Variants in TTN observed in about 807,000 individuals in gnomAD.
TTN encodes the protein connectin.
A neutral mutation model predicts 3,223.0 loss-of-function variants in TTN; 1,525 were observed. The ratio of observed to expected loss-of-function variants is 0.47; its 90% CI spans 0.45 to 0.49. TTN has a LOEUF of 0.49. Ranked by LOEUF, TTN falls within the 20% of genes least tolerant of loss-of-function variation. The probability of loss-of-function intolerance (pLI) is 0.00; values close to 1 mark genes in which losing one functional copy is unlikely to be tolerated. For missense variants in TTN, 40,786 were observed against 43,424.0 expected (o/e 0.94, Z 5.40); for synonymous variants, 14,094 against 15,161.0 (o/e 0.93, Z 5.17).
chr2:178,803,261 A>C (rs2094153518), intron 2 of TTN, among the ~76,000 whole-genome samples: 1 of 152,138 alleles, frequency 6.6e-6, no homozygotes, highest in Non-Finnish European at 1.5e-5. Context: ...GGATATTTTC[A>C]GTAGTGTCTT....
In TTN at chr2:178,578,640, G is replaced by A. The variant is rs775953148; in HGVS notation, c.68300C>T (p.Pro22767Leu). 51 of 1,611,772 alleles carry A rather than the reference G, an allele frequency of 3.2e-5. No individual in the cohort carries two copies. The highest frequency in any genetic ancestry group is 3.9e-5 in the Non-Finnish European group (46 of 1,178,994). ...HDSVSLTWTD[P>L]KKTGGSPITG... ...AATTGGAGAACCACCAGTTTTCTTG[G>A]GGTCAGTCCAAGTTAGAGATACTGA... The change falls in exon 321 of 363, where the codon CCC (proline) becomes CTC (leucine). Residue 22767 changes from proline (P) to leucine (L), a missense_variant. Pro to Leu is a moderately conservative substitution (Grantham distance 98). Transcript: ENST00000589042.
chr2:178,773,845 A>C lies in TTN; in HGVS notation c.7323T>G (p.Ser2441=), dbSNP rs746857484. The C allele has an allele frequency of 6.2e-7, 1 of 1,614,134 alleles. No individual in the cohort carries two copies. The highest frequency in any genetic ancestry group is 1.7e-5 in the Admixed American group (1 of 60,020). Residue 2441 remains serine (S), a synonymous_variant, in exon 31 of 363, where the codon TCT becomes TCG. Coordinates refer to ENST00000589042, the MANE Select transcript of TTN (RefSeq NM_001267550.2). ...TTTATAATTAGGACTCACTATAGAC[A>C]GAGACACGCCCACTGGTGGAGAGGC... ...ALGLSTSGRV[S]VYSVDVITPL...
chr2:178,796,615 A>T (rs185805430), intron 6 of TTN, among the ~76,000 whole-genome samples: 1 of 152,310 alleles, frequency 6.6e-6, no homozygotes. Context: ...ACAAAAACCA[A>T]GTTAGAATAA....
At position 178,599,633 on chromosome 2, in the gene TTN, C is replaced by T. The variant is rs2154191403; in HGVS notation, c.56268G>A (p.Arg18756=). The change falls in exon 289 of 363, where the codon AGG becomes AGA. Residue 18756 remains arginine, a synonymous_variant. Transcript: ENST00000589042. ...TGATGGTATATAAGCCAGTGTCACT[C>T]CTGCGAGACTGCGGAATAACTAAAG... ...TCTLVIPQSR[R]SDTGLYTITA... 6.2e-7 allele frequency: 1 copy of T among 1,612,374 alleles called. No homozygotes were observed. The highest frequency in any genetic ancestry group is 8.5e-7 in the Non-Finnish European group (1 of 1,179,094).
Position 178,636,319 on chromosome 2 carries a change from A to T in TTN, c.41330-78T>A, listed in dbSNP as rs2060432476. ...AAAACTTGGAAATAAGAGGTTTTGT[A>T]AAACTACAATGCAAGTTGCTACTAA... On this transcript the variant is annotated intron_variant, in intron 225 of 362. Coordinates refer to ENST00000589042, the MANE Select transcript of TTN (RefSeq NM_001267550.2). This position sits in a 1 kb window ranked among gnomAD's most constrained non-coding sequence, Gnocchi z 4.3. 13 of 1,499,458 alleles carry T rather than the reference A, an allele frequency of 8.7e-6. No individual in the cohort carries two copies. The highest frequency in any genetic ancestry group is 1.2e-5 in the Non-Finnish European group (13 of 1,125,232). The allele number at this position is 1,499,458 out of a possible 1,614,324, so 92.9% of individuals were successfully genotyped here. A position where few individuals can be genotyped will look rare whatever the true frequency, so the allele number is the denominator to read the frequency against.
In TTN at chr2:178,567,335, A is replaced by T; in HGVS notation, c.78797T>A (p.Leu26266Ter). Residue 26266 changes from leucine (L) to a stop codon, truncating the protein, a stop_gained, in exon 326 of 363, where the codon TTA (leucine) becomes TAA (stop). Coordinates refer to ENST00000589042, the MANE Select transcript of TTN (RefSeq NM_001267550.2). LOFTEE classifies it high-confidence loss of function. Reference protein sequence around the residue: ...AIRIDGGQYILRASNVAGSKS... With the variant: ...AIRIDGGQYI ...AGAACCTGCAACATTGGAAGCTCTT[A>T]AAATATACTGCCCACCATCAATTCT... is the stretch of plus-strand genomic sequence containing the variant. 6.2e-7 allele frequency: 1 copy of T among 1,603,742 alleles called. No individual in the cohort carries two copies. Among genetic ancestry groups the T allele is most frequent in the South Asian group, 1.1e-5 (1 of 88,774 alleles).
chr2:178,530,521 C>T lies in TTN; in HGVS notation c.106094G>A (p.Gly35365Asp), dbSNP rs778524334. The T allele has an allele frequency of 1.9e-6, 3 of 1,613,868 alleles. No homozygotes were observed. The highest frequency in any genetic ancestry group is 1.7e-6 in the Non-Finnish European group (2 of 1,179,888). The change falls in exon 358 of 363, where the codon GGT becomes GAT. Residue 35365 changes from glycine to aspartate, a missense_variant. Physicochemically the swap from Gly to Asp is moderately conservative, Grantham distance 94. Coordinates refer to ENST00000589042, the MANE Select transcript of TTN (RefSeq NM_001267550.2). Reference sequence around the variant, plus strand: ...TTGTAAGTTGGTTTTAGACGTTCCACCTTCACCAGAAATCTCACAAACATA... The same window carrying T: ...TTGTAAGTTGGTTTTAGACGTTCCATCTTCACCAGAAATCTCACAAACATA... ...GEYVCEISGE[G>D]GTSKTNLQFM...
chr2:178,684,713 T>C lies in TTN; in HGVS notation c.32591A>G (p.Lys10864Arg), dbSNP rs767155246. The C allele has an allele frequency of 4.0e-5, 64 of 1,612,162 alleles. No homozygotes were observed. Among genetic ancestry groups the C allele is most frequent in the African/African-American group, 5.3e-5 (4 of 74,826 alleles). The change falls in exon 131 of 363, where the codon AAG becomes AGG. Residue 10864 changes from lysine to arginine, a missense_variant. Transcript: ENST00000589042. ...CATCTTAATGACTTTTGGAGGAACC[T>C]TTTTTTCTGGAACTGGTTTCTTTGG... is the stretch of plus-strand genomic sequence containing the variant. ...EEPKKPVPEK[K>R]VPPKVIKMEE...
chr2:178,649,466 T>C, intron 212 of TTN, 88 bp downstream of exon 212: 1 of 1,415,190 alleles, frequency 7.1e-7, no homozygotes. Flanking sequence ...TCCTTAGTTA[T>C]GCAACAACAA....
In TTN at chr2:178,566,377, A is replaced by G. The variant is rs1189927516; in HGVS notation, c.79755T>C (p.Asp26585=). ...TSVPGTVKPE[D]KLEAPELDLD... is the part of the protein sequence containing the mutation. ...GGTCAAGTTCAGGTGCTTCAAGTTTATCTTCTGGTTTCACAGTACCAGGAA... is the reference window on the plus strand; with the variant it reads ...GGTCAAGTTCAGGTGCTTCAAGTTTGTCTTCTGGTTTCACAGTACCAGGAA... The change falls in exon 326 of 363, where the codon GAT becomes GAC. Residue 26585 remains aspartate, a synonymous_variant. Transcript: ENST00000589042. 6.2e-7 allele frequency: 1 copy of G among 1,613,396 alleles called. No individual in the cohort carries two copies. Among genetic ancestry groups the G allele is most frequent in the Admixed American group, 1.7e-5 (1 of 59,958 alleles).
Position 178,799,633 on chromosome 2 carries a change from C to T in TTN, c.768G>A (p.Arg256=), listed in dbSNP as rs886043078. Residue 256 remains arginine, a synonymous_variant, in exon 6 of 363, where the codon AGG becomes AGA. Coordinates refer to ENST00000589042, the MANE Select transcript of TTN (RefSeq NM_001267550.2). Reference sequence around the variant, plus strand: ...ATCTTGACTTTGGCTTCGGAGGAATCCTGGGAGGTGTTTTATGTGGCAGCT... The same window carrying T: ...ATCTTGACTTTGGCTTCGGAGGAATTCTGGGAGGTGTTTTATGTGGCAGCT... ...GQQLPHKTPP[R]IPPKPKSRSP... is the part of the protein sequence containing the mutation. 2 of 1,614,024 alleles carry T rather than the reference C, an allele frequency of 1.2e-6. No homozygotes were observed. Among genetic ancestry groups the T allele is most frequent in the Non-Finnish European group, 1.7e-6 (2 of 1,180,012 alleles).
rs773257113 is a variant in TTN at position 178,535,679 on chromosome 2, C to T, written c.100936G>A (p.Val33646Ile). ...IDNNGHYQVI[V>I]TRSFTSLVFP... The stretch of plus-strand genomic sequence containing the variant: ...ACAAGTGATGTGAAGGATCTTGTGA[C>T]AATAACTTGGTAGTGGCCATTATTG... The change falls in exon 358 of 363, where the codon GTC (valine) becomes ATC (isoleucine). Residue 33646 changes from valine to isoleucine, a missense_variant. Val to Ile is a conservative substitution (Grantham distance 29). Coordinates refer to ENST00000589042, the MANE Select transcript of TTN (RefSeq NM_001267550.2). 1.4e-5 allele frequency: 23 copies of T among 1,613,702 alleles called. No individual in the cohort carries two copies. In the South Asian group the frequency reaches 2.2e-4, roughly 15 times the overall value.
rs66961115 is a variant in TTN at position 178,530,827 on chromosome 2, G to A, written c.105788C>T (p.Ala35263Val). 0.013 allele frequency: 21,783 copies of A among 1,613,782 alleles called. 188 individuals carry two copies. The highest frequency in any genetic ancestry group is 0.016 in the Non-Finnish European group (18,672 of 1,179,852). The change falls in exon 358 of 363, where the codon GCC becomes GTC. Residue 35263 changes from alanine to valine, a missense_variant. By Grantham distance (64) the Ala-to-Val change is moderately conservative. Transcript: ENST00000589042. Reference sequence around the variant, plus strand: ...TGGTTTTGTCTCTGTGGGTGATACGGCTTTCGGGTGAGAAGGTTCTGGAGA... The same window carrying A: ...TGGTTTTGTCTCTGTGGGTGATACGACTTTCGGGTGAGAAGGTTCTGGAGA... ...VKSPEPSHPK[A>V]VSPTETKPTP...
rs1223336723 is a variant in TTN, at chr2:178,590,671, C to T, written c.61054G>A (p.Gly20352Arg). 1.2e-6 allele frequency: 2 copies of T among 1,613,096 alleles called. No homozygotes were observed. Among genetic ancestry groups the T allele is most frequent in the Non-Finnish European group, 1.7e-6 (2 of 1,179,452 alleles). Residue 20352 changes from glycine to arginine, a missense_variant, in exon 304 of 363, where the codon GGA (glycine) becomes AGA (arginine). Coordinates refer to ENST00000589042, the MANE Select transcript of TTN (RefSeq NM_001267550.2). ...GAACTTGGGGATGGTTTGCTTAGTC[C>T]TGCAAGATTTTCAGCAAAAACTCTA... ...EFRVFAENLA[G>R]LSKPSPSSDP...
chr2:178,792,714 A>G (rs2093573166), intron 9 of TTN, among the ~76,000 whole-genome samples: 1 of 152,204 alleles, frequency 6.6e-6, no homozygotes, highest in Non-Finnish European at 1.5e-5. Flanking sequence ...GTATATGCGT[A>G]TGTAGGGGGA....
rs768172616 is a variant in TTN at position 178,552,149 on chromosome 2, C to T, written c.90751G>A (p.Asp30251Asn). The change falls in exon 335 of 363, where the codon GAT becomes AAT. Residue 30251 changes from aspartate to asparagine, a missense_variant. Transcript: ENST00000589042. ...SVILSWDVPE[D>N]NGGGEITCYS... is the part of the protein sequence containing the mutation. ...CAAGTAATTTCTCCTCCTCCATTAT[C>T]TTCAGGTACATCCCATGACAGGATG... 1 of 1,613,726 alleles carries T rather than the reference C, an allele frequency of 6.2e-7. No homozygotes were observed. Among genetic ancestry groups the T allele is most frequent in the South Asian group, 1.1e-5 (1 of 91,068 alleles).
chr2:178,789,278 T>C lies in TTN; in HGVS notation c.2076+82A>G, dbSNP rs548205832. ...GAAATTCAGAGACTTGATATTAATG[T>C]ATTACAATAAGGAATTTCACATGAT... On this transcript the variant is annotated intron_variant, in intron 13 of 362. Coordinates refer to ENST00000589042, the MANE Select transcript of TTN (RefSeq NM_001267550.2). 3.7e-4 allele frequency: 576 copies of C among 1,559,856 alleles called. 2 individuals are homozygous for C. Among genetic ancestry groups the C allele is most frequent in the Non-Finnish European group, 4.3e-4 (491 of 1,134,534 alleles).
At chr2:178,788,237 A>G (rs1003645325) in intron 13 of TTN, among the ~76,000 whole-genome samples, 2 of 152,086 alleles carry the variant, frequency 1.3e-5, no homozygotes, top group Admixed American at 6.6e-5. Context: ...ATCCTTCTCT[A>G]GTCATTGGCG....
In TTN at chr2:178,712,904, T is replaced by C. The variant is rs1395755933; in HGVS notation, c.27121A>G (p.Ile9041Val). 3.7e-6 allele frequency: 6 copies of C among 1,613,410 alleles called. No individual in the cohort carries two copies. Among genetic ancestry groups the C allele is most frequent in the Non-Finnish European group, 5.1e-6 (6 of 1,179,620 alleles). Reference protein sequence around the residue: ...LTGTNVTFTSIVKGTPPFSVS... With the variant: ...LTGTNVTFTSVVKGTPPFSVS... Reference sequence around the variant, plus strand: ...CTGAAAGGAGGTGTTCCTTTTACGATACTTGTGAAAGTTACATTGGTCCCA... The same window carrying C: ...CTGAAAGGAGGTGTTCCTTTTACGACACTTGTGAAAGTTACATTGGTCCCA... The change falls in exon 94 of 363, where the codon ATC becomes GTC. Residue 9041 changes from isoleucine to valine, a missense_variant. By Grantham distance (29) the Ile-to-Val change is conservative. Coordinates refer to ENST00000589042, the MANE Select transcript of TTN (RefSeq NM_001267550.2).
Sources: allele counts gnomAD v4.1 joint callset (sites outside exome capture counted in the v4.1 genomes callset), GRCh38; gene constraint gnomAD v4.1.1; non-coding constraint Gnocchi (gnomAD v3.1); transcripts MANE v1.5; gene names NCBI Gene and HGNC (gene_info 2026-07-23, HGNC 2026-07-21).